The following CYYR1 variants were observed in gnomAD, a reference collection of about 807,000 sequenced individuals.
CYYR1 encodes the protein cysteine and tyrosine-rich protein 1.
CYYR1 carries 14 observed loss-of-function variants against 15.2 expected under a neutral mutation model. The ratio of observed to expected loss-of-function variants is 0.92; its 90% CI spans 0.61 to 1.44. The LOEUF (loss-of-function observed/expected upper bound fraction) is 1.44. Among genes scored for constraint, CYYR1 ranks in the 40% most tolerant of loss-of-function variants. CYYR1 has a pLI of 0.00. For synonymous variants in CYYR1, 80 were observed against 77.4 expected (o/e 1.03, Z -0.18); for missense variants, 228 against 209.5 (o/e 1.09, Z -0.54).
chr21:26,561,157 G>A (rs1250086085), intron 2 of CYYR1, among the ~76,000 whole-genome samples: 3 of 151,904 alleles, frequency 2.0e-5, no homozygotes, highest in Admixed American at 6.6e-5. Context: ...TCTAAATCAA[G>A]TTCATATTTA....
intron 2 of CYYR1, among the ~76,000 whole-genome samples, chr21:26,541,842 G>C (rs1195733205): frequency 6.6e-6 from 1 of 152,094 alleles, no homozygotes; most frequent in Non-Finnish European, 1.5e-5. Flanking sequence ...AATTAAGGGT[G>C]CATATTGCAA....
Position 26,573,281 on chromosome 21 carries a change from G to A in CYYR1, c.-341C>T, listed in dbSNP as rs1981142707. 1.5e-6 allele frequency: 2 copies of A among 1,296,534 alleles called. No individual in the cohort carries two copies. The highest frequency in any genetic ancestry group is 1.6e-5 in the African/African-American group (1 of 64,056). 80.3% of individuals were successfully genotyped at this position (1,296,534 alleles called of 1,614,324 possible). A position where few individuals can be genotyped will look rare whatever the true frequency, so the allele number is the denominator to read the frequency against. On this transcript the variant is annotated 5_prime_UTR_variant, in exon 1 of 4. Transcript: ENST00000652641. ...ACATTTCATCTCCGCGGGTGGCAAC[G>A]ACTGCGGGCAGGGGGCGGGGGTGGC...
chr21:26,468,573 T>C lies in CYYR1; in HGVS notation c.396A>G (p.Pro132=), dbSNP rs2064995996. ...EMEYCADLPP[P]YSPTPQGPAQ... is the part of the protein sequence containing the mutation. The stretch of plus-strand genomic sequence containing the variant: ...CTGGACCCTGTGGGGTGGGGGAGTA[T>C]GGAGGAGGCAAGTCTGCACAGTATT... Residue 132 remains proline (P), a synonymous_variant, in exon 4 of 4, where the codon CCA becomes CCG. Transcript: ENST00000652641. 1.2e-6 allele frequency: 2 copies of C among 1,613,098 alleles called. No individual in the cohort carries two copies. Among genetic ancestry groups the C allele is most frequent in the African/African-American group, 1.3e-5 (1 of 74,800 alleles).
chr21:26,482,311 CAT>C, intron 2 of CYYR1: 1 of 982,236 alleles, frequency 1.0e-6, no homozygotes, highest in Non-Finnish European at 1.2e-6. Context: ...TTTCCATATA[CAT>C]ATTGATATCT....
intron 2 of CYYR1, among the ~76,000 whole-genome samples, chr21:26,528,331 C>T (rs1054118513): frequency 3.3e-5 from 5 of 152,028 alleles, no homozygotes; most frequent in African/African-American, 1.2e-4. Context: ...TGGAGGTGGG[C>T]CTAGTGAGAG....
intron 2 of CYYR1, among the ~76,000 whole-genome samples, chr21:26,500,893 A>C (rs889552668): frequency 1.3e-5 from 2 of 152,190 alleles, no homozygotes; most frequent in African/African-American, 4.8e-5. Context: ...CAGCCATCAG[A>C]GTAGAAAGTT....
chr21:26,517,301 T>C (rs1288537361), intron 2 of CYYR1, among the ~76,000 whole-genome samples: 1 of 152,158 alleles, frequency 6.6e-6, no homozygotes, highest in Non-Finnish European at 1.5e-5. Flanking sequence ...GTTTACTTCA[T>C]ATTATTAGAC....
chr21:26,547,779 CTTTTT>C (rs11298777), intron 2 of CYYR1, among the ~76,000 whole-genome samples: 8 of 143,416 alleles, frequency 5.6e-5, no homozygotes, highest in Non-Finnish European at 1.1e-4. Flanking sequence ...TCTATTTCTA[CTTTTT>C]TTTTTTTTTC....
intron 2 of CYYR1, among the ~76,000 whole-genome samples, chr21:26,489,959 A>G (rs1012982553): frequency 6.6e-6 from 1 of 152,056 alleles, no homozygotes; most frequent in Non-Finnish European, 1.5e-5. Flanking sequence ...TTTGCCTACA[A>G]TTCTAACTGA....
chr21:26,493,662 C>A (rs1282036223), intron 2 of CYYR1, among the ~76,000 whole-genome samples: 1 of 152,112 alleles, frequency 6.6e-6, no homozygotes. Context: ...ATTTGGTCTA[C>A]TAGATCTCTT....
chr21:26,488,179 T>C (rs922012732), intron 2 of CYYR1, among the ~76,000 whole-genome samples: 1 of 152,148 alleles, frequency 6.6e-6, no homozygotes, highest in Admixed American at 6.5e-5. Context: ...ATTCATTTTC[T>C]ACATTTTCCT....
intron 2 of CYYR1, among the ~76,000 whole-genome samples, chr21:26,541,599 C>G (rs1978551669): frequency 6.6e-6 from 1 of 152,074 alleles, no homozygotes; most frequent in South Asian, 2.1e-4. Flanking sequence ...TAGACTTGCC[C>G]TACAAGAAAA....
rs187185495 is a variant in CYYR1 at position 26,480,664 on chromosome 21, G to A, written c.177-235C>T. Among the ~76,000 whole-genome samples the A allele has an allele frequency of 7.2e-5, 11 of 151,764 alleles. No individual in the cohort carries two copies. The East Asian group carries it at 1.9e-3, about 27-fold the overall frequency. On this transcript the variant is annotated intron_variant, in intron 2 of 3. Coordinates refer to ENST00000652641, the MANE Select transcript of CYYR1 (RefSeq NM_001320768.2). The stretch of plus-strand genomic sequence containing the variant: ...GTTATAAAAATCCTCTTCTAGCACC[G>A]TTGACCAATTCATCATTCAGATTCC...
intron 2 of CYYR1, among the ~76,000 whole-genome samples, chr21:26,520,651 C>T (rs912989529): frequency 6.6e-6 from 1 of 152,206 alleles, no homozygotes; most frequent in African/African-American, 2.4e-5. Context: ...TGAGGAATCA[C>T]CATACTATCT....
intron 2 of CYYR1, among the ~76,000 whole-genome samples, chr21:26,556,620 C>T (rs1332512855): frequency 5.3e-5 from 8 of 152,020 alleles, no homozygotes; most frequent in Non-Finnish European, 1.0e-4. Context: ...GAATCAGGCA[C>T]GTCCTCACAT....
rs1309163800 is a variant in CYYR1, at chr21:26,469,519, G to T, written c.335-885C>A. 3.9e-5 allele frequency among the ~76,000 whole-genome samples: 6 copies of T among 152,098 alleles called. No individual in the cohort carries two copies. The East Asian group carries it at 9.7e-4, about 25-fold the overall frequency. Reference sequence around the variant, plus strand: ...TTTTTTGAATTGACAAATAATAATTGTACATATTCATGGGGTACAGAGTGA... The same window carrying T: ...TTTTTTGAATTGACAAATAATAATTTTACATATTCATGGGGTACAGAGTGA... On this transcript the variant is annotated intron_variant, in intron 3 of 3. Transcript: ENST00000652641.
At chr21:26,500,012 A>G (rs1029966901) in intron 2 of CYYR1, among the ~76,000 whole-genome samples, 5 of 152,078 alleles carry the variant, frequency 3.3e-5, no homozygotes, top group African/African-American at 1.2e-4. Flanking sequence ...TATTTCTCAT[A>G]GTTCTGGAGG....
At chr21:26,477,132 C>A (rs1173256820) in intron 3 of CYYR1, among the ~76,000 whole-genome samples, 1 of 152,096 alleles carries the variant, frequency 6.6e-6, no homozygotes, top group African/African-American at 2.4e-5. Flanking sequence ...ATGCTCTCTG[C>A]ATTTATCTGA....
intron 2 of CYYR1, among the ~76,000 whole-genome samples, chr21:26,509,772 C>G (rs1390604525): frequency 1.3e-5 from 2 of 152,194 alleles, no homozygotes; most frequent in African/African-American, 4.8e-5. Context: ...TTTTATCCAA[C>G]TCGTTCCAGA....
Sources: gnomAD v4.1 joint callset for allele counts (sites outside exome capture counted in the v4.1 genomes callset) on GRCh38, gnomAD v4.1.1 for gene constraint, MANE v1.5 for transcripts, NCBI Gene and HGNC (gene_info 2026-07-23, HGNC 2026-07-21) for gene names.